FBXW4: variants seen among roughly 807,000 people sequenced by gnomAD.
FBXW4 encodes the protein F-box and WD repeat domain containing 4.
Under a neutral mutation model 61.8 loss-of-function variants are expected in FBXW4, and 40 were observed. That is an observed-to-expected ratio of 0.65 (90% CI 0.50 to 0.84). The LOEUF is 0.84. Ranked by LOEUF, FBXW4 falls within the 40% of genes least tolerant of loss-of-function variation. FBXW4 has a pLI of 0.00. For synonymous variants in FBXW4, 311 were observed against 313.8 expected (o/e 0.99, Z 0.10); for missense variants, 672 against 753.8 (o/e 0.89, Z 1.27).
chr10:101,633,921 C>T (rs1344794788), intron 5 of FBXW4, among the ~76,000 whole-genome samples: 6 of 151,996 alleles, frequency 3.9e-5, no homozygotes, highest in Admixed American at 1.3e-4. Context: ...CCTGGTCCAA[C>T]ATGGTGAAAC....
chr10:101,636,395 C>T (rs1462684309), intron 5 of FBXW4, among the ~76,000 whole-genome samples: 5 of 140,198 alleles, frequency 3.6e-5, no homozygotes, highest in South Asian at 2.3e-4. Flanking sequence ...AACAAAACAA[C>T]GGAAAAAAAA....
chr10:101,689,531 G>A (rs947920281), intron 1 of FBXW4, among the ~76,000 whole-genome samples: 5 of 152,102 alleles, frequency 3.3e-5, no homozygotes, highest in African/African-American at 4.8e-5. Flanking sequence ...ATCCATATTC[G>A]AAATCATTCC....
At chr10:101,661,519 T>C (rs912377563) in intron 5 of FBXW4, among the ~76,000 whole-genome samples, 1 of 152,150 alleles carries the variant, frequency 6.6e-6, no homozygotes, top group African/African-American at 2.4e-5. Flanking sequence ...CCCACACTGA[T>C]CCCTTTCCAA....
intron 5 of FBXW4, among the ~76,000 whole-genome samples, chr10:101,642,508 T>A (rs1238557691): frequency 6.6e-6 from 1 of 151,738 alleles, no homozygotes; most frequent in East Asian, 1.9e-4. Context: ...CCCTTCCTGC[T>A]CCTCTCCAAG....
chr10:101,652,335 T>C, intron 5 of FBXW4, among the ~76,000 whole-genome samples: 1 of 152,312 alleles, frequency 6.6e-6, no homozygotes, highest in East Asian at 1.9e-4. Context: ...GGTCAGTAGC[T>C]TTTTTCTTGA....
intron 4 of FBXW4, among the ~76,000 whole-genome samples, chr10:101,668,411 T>A (rs2064327685): frequency 6.6e-6 from 1 of 152,060 alleles, no homozygotes; most frequent in Admixed American, 6.5e-5. Flanking sequence ...AGGCATAGTA[T>A]AGGGGGACAG....
chr10:101,631,479 G>A, intron 5 of FBXW4, among the ~76,000 whole-genome samples: 1 of 152,154 alleles, frequency 6.6e-6, no homozygotes, highest in East Asian at 1.9e-4. Context: ...CAGAGAAAAG[G>A]AAAGAGTGGA....
intron 2 of FBXW4, among the ~76,000 whole-genome samples, chr10:101,675,144 A>G (rs1441552566): frequency 6.6e-6 from 1 of 152,196 alleles, no homozygotes; most frequent in Non-Finnish European, 1.5e-5. Context: ...TCTGCTCATG[A>G]GGTTTTTACA....
At chr10:101,652,793 C>G (rs1306244611) in intron 5 of FBXW4, among the ~76,000 whole-genome samples, 1 of 152,118 alleles carries the variant, frequency 6.6e-6, no homozygotes, top group African/African-American at 2.4e-5. Context: ...ATGTAAGTTG[C>G]CCCCGAATTA....
At chr10:101,665,389 A>G (rs2064288214) in intron 5 of FBXW4, among the ~76,000 whole-genome samples, 1 of 152,308 alleles carries the variant, frequency 6.6e-6, no homozygotes, top group East Asian at 1.9e-4. Context: ...AGATGGCTTG[A>G]GCCCAGGAGT....
chr10:101,650,884 G>T (rs1173381747), intron 5 of FBXW4, among the ~76,000 whole-genome samples: 1 of 152,228 alleles, frequency 6.6e-6, no homozygotes, highest in Non-Finnish European at 1.5e-5. Context: ...CGGATACAAA[G>T]ATCGGGCTCT....
chr10:101,611,914 A>G lies in FBXW4; in HGVS notation c.1443-145T>C. 1 of 1,048,778 alleles carries G rather than the reference A, an allele frequency of 9.5e-7. No individual in the cohort carries two copies. Among genetic ancestry groups the G allele is most frequent in the Non-Finnish European group, 1.3e-6 (1 of 747,502 alleles). The allele number at this position is 1,048,778 out of a possible 1,614,324, so 65.0% of individuals were successfully genotyped here. On this transcript the variant is annotated intron_variant, in intron 7 of 8. Coordinates refer to ENST00000331272, the MANE Select transcript of FBXW4 (RefSeq NM_022039.4). The surrounding 1 kb of genome is among the most constrained non-coding windows in gnomAD (Gnocchi z 4.9). ...AGAAGCCTAAATCATCAGATTCATC[A>G]AAAACCGAACTTCATGGGAGAAAGC...
chr10:101,666,972 C>T (rs923961962), intron 5 of FBXW4, among the ~76,000 whole-genome samples: 1 of 151,334 alleles, frequency 6.6e-6, no homozygotes, highest in African/African-American at 2.4e-5. Context: ...TGGCTCACAA[C>T]TGTAATCCCA....
chr10:101,688,894 A>G (rs2064559670), intron 1 of FBXW4, among the ~76,000 whole-genome samples: 1 of 152,214 alleles, frequency 6.6e-6, no homozygotes, highest in South Asian at 2.1e-4. Flanking sequence ...CCTGGTCTCA[A>G]TAAGAATCTG....
rs191304791 is a variant in FBXW4, at chr10:101,688,342, A to G, written c.725+6039T>C. 2.6e-5 allele frequency among the ~76,000 whole-genome samples: 4 copies of G among 152,340 alleles called. No individual in the cohort carries two copies. In the East Asian group the frequency reaches 7.7e-4, roughly 29 times the overall value. On this transcript the variant is annotated intron_variant, in intron 1 of 8. Coordinates refer to ENST00000331272, the MANE Select transcript of FBXW4 (RefSeq NM_022039.4). ...CAATTTGAGCTCATGTCAAATACCA[A>G]AAAAGAAGAGGAAGAAGAAAGAATG...
intron 7 of FBXW4, among the ~76,000 whole-genome samples, chr10:101,612,027 C>T (rs1256976790): frequency 6.6e-6 from 1 of 152,256 alleles, no homozygotes; most frequent in Non-Finnish European, 1.5e-5. Flanking sequence ...CTACTTGTCA[C>T]TGGACTCAAG....
chr10:101,657,615 G>A (rs1243373487), intron 5 of FBXW4, among the ~76,000 whole-genome samples: 1 of 144,526 alleles, frequency 6.9e-6, no homozygotes, highest in Non-Finnish European at 1.5e-5. Flanking sequence ...AGTCCAGCCT[G>A]GGCAACACAG....
intron 5 of FBXW4, among the ~76,000 whole-genome samples, chr10:101,658,243 A>C (rs1301846297): frequency 6.6e-6 from 1 of 152,104 alleles, no homozygotes; most frequent in Non-Finnish European, 1.5e-5. Flanking sequence ...AGGCCTATTT[A>C]AAAATAAAAA....
In FBXW4 at chr10:101,634,298, A is replaced by G. The variant is rs1402178711; in HGVS notation, c.1236-9488T>C. ...TTACTAAAGAAAATAGAATTGTTGA[A>G]TAAGTTTGGAAACATCATATTCCCA... On this transcript the variant is annotated intron_variant, in intron 5 of 8. Transcript: ENST00000331272. Among the ~76,000 whole-genome samples the G allele has an allele frequency of 1.3e-5, 2 of 149,926 alleles. 1 individual carries two copies. The highest frequency in any genetic ancestry group is 3.0e-5 in the Non-Finnish European group (2 of 67,428).
Sources: allele counts gnomAD v4.1 joint callset (sites outside exome capture counted in the v4.1 genomes callset), GRCh38; gene constraint gnomAD v4.1.1; non-coding constraint Gnocchi (gnomAD v3.1); transcripts MANE v1.5; gene names NCBI Gene and HGNC (gene_info 2026-07-23, HGNC 2026-07-21).